Variants in NIPA1 observed in about 807,000 individuals in gnomAD.
NIPA1 encodes NIPA magnesium transporter 1.
A neutral mutation model predicts 23.9 loss-of-function variants in NIPA1; 13 were observed. The ratio of observed to expected loss-of-function variants is 0.54; its 90% CI spans 0.35 to 0.87. The LOEUF (loss-of-function observed/expected upper bound fraction) is 0.87. NIPA1 is among the 40% of genes least tolerant of loss of function. The pLI is 0.01. For missense variants in NIPA1, 362 were observed against 429.7 expected (o/e 0.84, Z 1.39); for synonymous variants, 234 against 202.9 (o/e 1.15, Z -1.30).
chr15:22,790,955 AC>A (rs2140846422), intron 1 of NIPA1, among the ~76,000 whole-genome samples: 1 of 152,264 alleles, frequency 6.6e-6, no homozygotes, highest in East Asian at 1.9e-4. Flanking sequence ...GTTGTGTCTT[AC>A]TGAAATTTTA....
At chr15:22,800,944 GA>G (rs34332265) in intron 1 of NIPA1, among the ~76,000 whole-genome samples, 77,021 of 141,780 alleles carry the variant, frequency 0.54, 20,974 homozygotes, top group East Asian at 0.82. Flanking sequence ...AAAAAAAAAA[GA>G]AAAAAAAAAA....
intron 3 of NIPA1, among the ~76,000 whole-genome samples, chr15:22,817,808 GAAAA>G (rs56218881): frequency 1.4e-5 from 2 of 143,030 alleles, no homozygotes; most frequent in African/African-American, 2.7e-5. Flanking sequence ...GTGTCTCAAA[GAAAA>G]AAAAAAAAAA....
intron 4 of NIPA1, among the ~76,000 whole-genome samples, chr15:22,822,782 G>A (rs969709997): frequency 2.4e-4 from 37 of 151,744 alleles, no homozygotes; most frequent in Admixed American, 9.2e-4. Flanking sequence ...AGCAGAGATC[G>A]TGCTATTGCA....
intron 2 of NIPA1, among the ~76,000 whole-genome samples, 190 bp from the exon 3 acceptor site, chr15:22,811,973 G>C (rs915249833): frequency 1.3e-5 from 2 of 152,224 alleles, no homozygotes; most frequent in Non-Finnish European, 2.9e-5. Context: ...CCCGACTGAT[G>C]GGACCAGTGA....
Position 22,820,404 on chromosome 15 carries a change from A to G in NIPA1, c.409A>G (p.Ile137Val). 3 of 1,612,676 alleles carry G rather than the reference A, an allele frequency of 1.9e-6. No homozygotes were observed. The highest frequency in any genetic ancestry group is 1.7e-6 in the Non-Finnish European group (2 of 1,178,674). The change falls in exon 4 of 5, where the codon ATT (isoleucine) becomes GTT (valine). Residue 137 changes from isoleucine to valine, a missense_variant. This residue lies in a region of NIPA1 where 277 missense variants were observed against 372.0 expected (regional missense o/e 0.74). Transcript: ENST00000337435. ...LLSCAGSVVL[I>V]IHSPKSESVT... The stretch of plus-strand genomic sequence containing the variant: ...AAGCTGTGCAGGCTCCGTCGTGCTG[A>G]TTATCCACTCCCCAAAGTCTGAGAG...
chr15:22,801,784 G>T (rs1030379089), intron 1 of NIPA1, among the ~76,000 whole-genome samples: 9 of 152,134 alleles, frequency 5.9e-5, no homozygotes, highest in Non-Finnish European at 1.3e-4. Flanking sequence ...CAAAGTGTTA[G>T]GATTACAGGC....
Position 22,801,507 on chromosome 15 carries a change from CTTTTT to C in NIPA1, c.179-9222_179-9218del, listed in dbSNP as rs35360583. Among the ~76,000 whole-genome samples the C allele has an allele frequency of 2.7e-4, 21 of 78,972 alleles. 1 individual carries two copies. The East Asian group carries it at 4.4e-3, about 16-fold the overall frequency. The allele number at this position is 78,972 out of a possible 152,430, so 51.8% of individuals were successfully genotyped here. A position where few individuals can be genotyped will look rare whatever the true frequency, so the allele number is the denominator to read the frequency against. Reference sequence around the variant, plus strand: ...TAGGGGCAGACAACACTTCTAGCGACTTTTTTTTTTTTTTTTTTTTTTTTGAGAGA... The same window carrying C: ...TAGGGGCAGACAACACTTCTAGCGACTTTTTTTTTTTTTTTTTTTGAGAGA... On this transcript the variant is annotated intron_variant, in intron 1 of 4. Transcript: ENST00000337435.
intron 1 of NIPA1, among the ~76,000 whole-genome samples, chr15:22,792,023 A>C (rs1362982118): frequency 2.0e-5 from 3 of 152,132 alleles, no homozygotes; most frequent in African/African-American, 7.2e-5. Flanking sequence ...GGGGCTGCCT[A>C]CAAACTTCTT....
chr15:22,819,868 A>T (rs569204990), intron 3 of NIPA1, among the ~76,000 whole-genome samples: 2 of 152,282 alleles, frequency 1.3e-5, no homozygotes, highest in South Asian at 2.1e-4. Flanking sequence ...TATGTGTATC[A>T]TTAACTACGT....
rs1895712480 is a variant in NIPA1 at position 22,829,452 on chromosome 15, T to A, written c.*5213T>A. On this transcript the variant is annotated 3_prime_UTR_variant, in exon 5 of 5. Coordinates refer to ENST00000337435, the MANE Select transcript of NIPA1 (RefSeq NM_144599.5). ...TAGTATTTTTGCACTTTACAGAAAT[T>A]TAGATACTGTTTTTCAGTGGCTTGA... The A allele has an allele frequency of 6.6e-6, 1 of 152,556 alleles. No individual in the cohort carries two copies. Among genetic ancestry groups the A allele is most frequent in the Admixed American group, 6.5e-5 (1 of 15,278 alleles). 9.5% of individuals were successfully genotyped at this position (152,556 alleles called of 1,614,324 possible).
chr15:22,797,219 T>G (rs1289206244), intron 1 of NIPA1, among the ~76,000 whole-genome samples: 1 of 150,470 alleles, frequency 6.6e-6, no homozygotes, highest in Non-Finnish European at 1.5e-5. Flanking sequence ...TATTTGGGTT[T>G]TTTTTTTTTG....
upstream of NIPA1, chr15:22,786,367 T>C (rs1894695925): frequency 1.3e-5 from 2 of 153,702 alleles, no homozygotes; most frequent in African/African-American, 4.8e-5. Flanking sequence ...TGCGTGTTTC[T>C]CCGCGCTGGA....
At chr15:22,820,553 G>A in intron 4 of NIPA1, 80 bp downstream of exon 4, 2 of 1,057,060 alleles carry the variant, frequency 1.9e-6, no homozygotes, top group East Asian at 2.4e-5. Context: ...CAAATTGGAT[G>A]CTTCCTGGCA....
chr15:22,829,225 T>G lies in NIPA1; in HGVS notation c.*4986T>G, dbSNP rs988866434. 2 of 152,158 alleles carry G rather than the reference T, an allele frequency of 1.3e-5. No individual in the cohort carries two copies. Among genetic ancestry groups the G allele is most frequent in the Non-Finnish European group, 2.9e-5 (2 of 68,026 alleles). The allele number at this position is 152,158 out of a possible 1,614,324, so 9.4% of individuals were successfully genotyped here. On this transcript the variant is annotated 3_prime_UTR_variant, in exon 5 of 5. Transcript: ENST00000337435. ...GCCGAGGTCTGTATTCTGAAAAAGA[T>G]TTAATGGCCTGTGAAACACGTGGAT... is the stretch of plus-strand genomic sequence containing the variant.
At chr15:22,821,240 C>G (rs891823231) in intron 4 of NIPA1, among the ~76,000 whole-genome samples, 10 of 152,196 alleles carry the variant, frequency 6.6e-5, no homozygotes, top group African/African-American at 2.4e-4. Context: ...GCTGGGATTA[C>G]AGGCGTGAGC....
chr15:22,789,498 C>A (rs565465536), intron 1 of NIPA1, among the ~76,000 whole-genome samples: 1 of 152,226 alleles, frequency 6.6e-6, no homozygotes, highest in African/African-American at 2.4e-5. Context: ...GAGAGACCAG[C>A]CGGCGGGGCA....
At position 22,803,675 on chromosome 15, in the gene NIPA1, A is replaced by ATTTTTT. The variant is rs34811722; in HGVS notation, c.179-7057_179-7052dup. Among the ~76,000 whole-genome samples the ATTTTTT allele has an allele frequency of 7.8e-3, 555 of 71,070 alleles. 9 individuals carry two copies. Among genetic ancestry groups the ATTTTTT allele is most frequent in the East Asian group, 0.035 (84 of 2,382 alleles). The allele number at this position is 71,070 out of a possible 152,430, so 46.6% of individuals were successfully genotyped here. On this transcript the variant is annotated intron_variant, in intron 1 of 4. Coordinates refer to ENST00000337435, the MANE Select transcript of NIPA1 (RefSeq NM_144599.5). ...AGGCACCTGCTACCGGGCCCGGCTA[A>ATTTTTT]TTTTTTTTTTTTTTTTTTTTTTGAG...
chr15:22,821,305 G>A (rs67309683), intron 4 of NIPA1, among the ~76,000 whole-genome samples: 44,528 of 151,944 alleles, frequency 0.29, 6,720 homozygotes, highest in Non-Finnish European at 0.32. Flanking sequence ...TACTATCTAC[G>A]TGATTACAAC....
Position 22,828,650 on chromosome 15 carries a change from G to A in NIPA1, c.*4411G>A, listed in dbSNP as rs928841192. ...TCTAGTAAAAAGTTGATATTCAGTAGAACAAGGATCATGTAAATAAACATC... is the reference window on the plus strand; with the variant it reads ...TCTAGTAAAAAGTTGATATTCAGTAAAACAAGGATCATGTAAATAAACATC... On this transcript the variant is annotated 3_prime_UTR_variant, in exon 5 of 5. Coordinates refer to ENST00000337435, the MANE Select transcript of NIPA1 (RefSeq NM_144599.5). 4 of 152,532 alleles carry A rather than the reference G, an allele frequency of 2.6e-5. No individual in the cohort carries two copies. The highest frequency in any genetic ancestry group is 9.7e-5 in the African/African-American group (4 of 41,400). The allele number at this position is 152,532 out of a possible 1,614,324, so 9.4% of individuals were successfully genotyped here.
Sources: allele counts gnomAD v4.1 joint callset (sites outside exome capture counted in the v4.1 genomes callset), GRCh38; gene constraint gnomAD v4.1.1; regional missense constraint gnomAD v4.1.1; transcripts MANE v1.5; gene names NCBI Gene and HGNC (gene_info 2026-07-23, HGNC 2026-07-21).